The following TENM2 variants were observed in gnomAD, a reference collection of about 807,000 sequenced individuals.
TENM2 encodes teneurin transmembrane protein 2, also known as teneurin-2.
A neutral mutation model predicts 245.2 loss-of-function variants in TENM2; 52 were observed. The ratio of observed to expected loss-of-function variants is 0.21; its 90% confidence interval spans 0.17 to 0.27. TENM2 has a LOEUF of 0.27. TENM2 is among the 10% of genes least tolerant of loss of function. The pLI is 1.00. For synonymous variants in TENM2, 1,363 were observed against 1,438.9 expected (o/e 0.95, Z 1.19); for missense variants, 3,046 against 3,666.8 (o/e 0.83, Z 4.37).
chr5:167,352,498 C>A (rs1758981836), intron 1 of TENM2, among the ~76,000 whole-genome samples: 1 of 152,124 alleles, frequency 6.6e-6, no homozygotes, highest in Non-Finnish European at 1.5e-5. Flanking sequence ...GTGATCCTCC[C>A]CTTTTTGGAA....
chr5:167,696,690 T>C (rs1227582664), intron 2 of TENM2, among the ~76,000 whole-genome samples: 1 of 152,212 alleles, frequency 6.6e-6, no homozygotes, highest in Non-Finnish European at 1.5e-5. Flanking sequence ...AATGACCAGT[T>C]GCTCTTTGAT....
chr5:168,088,669 AT>A (rs1792667684), intron 7 of TENM2, among the ~76,000 whole-genome samples: 1 of 152,206 alleles, frequency 6.6e-6, no homozygotes, highest in Non-Finnish European at 1.5e-5. Flanking sequence ...AGGTGTGATT[AT>A]TCCCTGGTAT....
intron 1 of TENM2, among the ~76,000 whole-genome samples, chr5:167,372,306 A>G (rs1760487426): frequency 6.6e-6 from 1 of 152,154 alleles, no homozygotes; most frequent in Admixed American, 6.5e-5. Flanking sequence ...AATGTATGCA[A>G]ATCTTACTTG....
the TENM2 span, among the ~76,000 whole-genome samples, chr5:167,117,442 G>A: frequency 6.6e-6 from 1 of 152,168 alleles, no homozygotes; most frequent in Non-Finnish European, 1.5e-5. Context: ...GGTGGAGCTT[G>A]CAGTGAGCCA....
At chr5:167,964,773 G>A (rs1183224893) in intron 4 of TENM2, among the ~76,000 whole-genome samples, 1 of 151,806 alleles carries the variant, frequency 6.6e-6, no homozygotes, top group Non-Finnish European at 1.5e-5. Context: ...ACACTAAGGT[G>A]CCAGAAAGAG....
chr5:167,967,309 C>T (rs1781454194), intron 4 of TENM2, among the ~76,000 whole-genome samples: 1 of 152,160 alleles, frequency 6.6e-6, no homozygotes, highest in Non-Finnish European at 1.5e-5. Flanking sequence ...TAGTCTAATC[C>T]ACTGCTCTGT....
chr5:167,375,202 C>T (rs758510135), exon 2 of TENM2: 1 of 1,551,388 alleles, frequency 6.4e-7, no homozygotes, highest in Non-Finnish European at 8.7e-7. Context: ...CCCTAGGAAC[C>T]AACTTCACCC....
chr5:167,084,385 T>G, the TENM2 span, among the ~76,000 whole-genome samples: 1 of 85,322 alleles, frequency 1.2e-5, no homozygotes, highest in Non-Finnish European at 2.4e-5. Flanking sequence ...GATTGAGAAT[T>G]TTCCCAAAAT....
chr5:168,011,177 CT>C (rs1161088414), intron 5 of TENM2, among the ~76,000 whole-genome samples: 3 of 152,170 alleles, frequency 2.0e-5, no homozygotes, highest in East Asian at 1.9e-4. Flanking sequence ...AAAGTTATTT[CT>C]TTTTCTCTCT....
At chr5:167,003,904 A>AT in the TENM2 span, among the ~76,000 whole-genome samples, 12 of 152,164 alleles carry the variant, frequency 7.9e-5, no homozygotes, top group Non-Finnish European at 1.5e-4. Flanking sequence ...TTACTTAGAA[A>AT]ATATACTCAA....
chr5:167,249,786 T>C, the TENM2 span, among the ~76,000 whole-genome samples: 1 of 151,946 alleles, frequency 6.6e-6, no homozygotes, highest in South Asian at 2.1e-4. Flanking sequence ...TCACTATGCC[T>C]TTATACTCAC....
intron 2 of TENM2, among the ~76,000 whole-genome samples, chr5:167,616,210 A>G (rs1271433044): frequency 6.6e-6 from 1 of 152,186 alleles, no homozygotes; most frequent in Non-Finnish European, 1.5e-5. Context: ...TTCCAGAACT[A>G]GAAGTCCTAT....
chr5:167,063,578 TTTGA>T, the TENM2 span, among the ~76,000 whole-genome samples: 1 of 152,172 alleles, frequency 6.6e-6, no homozygotes, highest in Non-Finnish European at 1.5e-5. Flanking sequence ...CTTCCTCGAC[TTTGA>T]TTATTTGTTT....
Position 168,244,679 on chromosome 5 carries a change from C to G in TENM2, c.5780C>G (p.Ala1927Gly). 1 of 1,493,842 alleles carries G rather than the reference C, an allele frequency of 6.7e-7. No homozygotes were observed. The highest frequency in any genetic ancestry group is 9.0e-7 in the Non-Finnish European group (1 of 1,110,210). 92.5% of individuals were successfully genotyped at this position (1,493,842 alleles called of 1,614,324 possible). ...GGCCGCATCGTGTCCCGCATGTTCG[C>G]TGACGGGAAAGTGTGGAGCTACTCC... Residue 1927 changes from alanine to glycine, a missense_variant, in exon 26 of 29, where the codon GCT becomes GGT. Physicochemically the swap from Ala to Gly is moderately conservative, Grantham distance 60. This residue lies in a region of TENM2 where 2,704 missense variants were observed against 3,331.9 expected (regional missense o/e 0.81). Transcript: ENST00000518659. This position sits in a 1 kb window ranked among gnomAD's most constrained non-coding sequence, Gnocchi z 4.9.
chr5:167,936,086 G>A (rs1778686605), intron 3 of TENM2, among the ~76,000 whole-genome samples: 2 of 152,144 alleles, frequency 1.3e-5, no homozygotes, highest in African/African-American at 4.8e-5. Context: ...CTCTTCCTGG[G>A]TAGCAATTTC....
chr5:168,207,841 C>T (rs1334482984), intron 19 of TENM2, among the ~76,000 whole-genome samples: 1 of 152,156 alleles, frequency 6.6e-6, no homozygotes, highest in Non-Finnish European at 1.5e-5. Context: ...TCCTTTGTCT[C>T]TCCAAAACAT....
chr5:167,313,273 C>A (rs1389206672), intron 1 of TENM2, among the ~76,000 whole-genome samples: 1 of 152,048 alleles, frequency 6.6e-6, no homozygotes, highest in African/African-American at 2.4e-5. Flanking sequence ...TGCAAGAATT[C>A]CAGGGGTGTA....
intron 2 of TENM2, among the ~76,000 whole-genome samples, chr5:167,484,041 A>T (rs1040778714): frequency 6.6e-6 from 1 of 152,194 alleles, no homozygotes; most frequent in African/African-American, 2.4e-5. Context: ...TTACACTACA[A>T]CTAAATTTAG....
chr5:168,024,674 A>T (rs568104244), intron 5 of TENM2, among the ~76,000 whole-genome samples: 1 of 152,316 alleles, frequency 6.6e-6, no homozygotes, highest in South Asian at 2.1e-4. Flanking sequence ...TTAAGAAAAA[A>T]ATAGTTGATG....
Sources: gnomAD v4.1 joint callset for allele counts (sites outside exome capture counted in the v4.1 genomes callset) on GRCh38, gnomAD v4.1.1 for gene constraint, gnomAD v4.1.1 regional missense constraint, Gnocchi (gnomAD v3.1) non-coding constraint, MANE v1.5 for transcripts, NCBI Gene and HGNC (gene_info 2026-07-23, HGNC 2026-07-21) for gene names.